LYPLAL1: variants seen among roughly 807,000 people sequenced by gnomAD.
LYPLAL1 encodes lysophospholipase like 1, also known as lysophospholipase-like protein 1.
LYPLAL1 carries 23 observed loss-of-function variants against 19.7 expected under a neutral mutation model. The observed-to-expected ratio is 1.17, with a 90% CI of 0.84 to 1.65. LYPLAL1 has a LOEUF of 1.65. Among genes scored for constraint, LYPLAL1 ranks in the 40% most tolerant of loss-of-function variants. The probability of loss-of-function intolerance (pLI) is 0.00; values close to 1 mark genes in which losing one functional copy is unlikely to be tolerated. For synonymous variants in LYPLAL1, 119 were observed against 96.3 expected (o/e 1.24, Z -1.38); for missense variants, 355 against 279.4 (o/e 1.27, Z -1.93).
At chr1:219,212,950 C>G (rs1659152547), downstream of LYPLAL1, 1 of 151,956 alleles carries the variant, frequency 6.6e-6, no homozygotes, top group African/African-American at 2.4e-5. Context: ...TACTTATAAC[C>G]TTCCAAGAAA....
chr1:219,206,979 T>G (rs942635924), intron 3 of LYPLAL1, among the ~76,000 whole-genome samples: 2 of 152,054 alleles, frequency 1.3e-5, no homozygotes, highest in African/African-American at 4.8e-5. Context: ...TTTATAAATT[T>G]TGAAGCTTTT....
At chr1:219,235,528 A>C in the LYPLAL1 span, among the ~76,000 whole-genome samples, 1 of 152,216 alleles carries the variant, frequency 6.6e-6, no homozygotes, top group South Asian at 2.1e-4. Flanking sequence ...TTTTACATTC[A>C]GTTTTGGAAT....
the LYPLAL1 span, among the ~76,000 whole-genome samples, chr1:219,361,115 G>C: frequency 1.3e-5 from 2 of 152,184 alleles, no homozygotes; most frequent in Non-Finnish European, 2.9e-5. Context: ...GTGCACACAG[G>C]AGTGTATTAT....
the LYPLAL1 span, among the ~76,000 whole-genome samples, chr1:219,321,751 T>G: frequency 6.6e-6 from 1 of 152,138 alleles, no homozygotes; most frequent in African/African-American, 2.4e-5. Context: ...TCTTGGGCTA[T>G]TCCTTGGAAT....
At chr1:219,335,380 G>A in the LYPLAL1 span, among the ~76,000 whole-genome samples, 4 of 151,744 alleles carry the variant, frequency 2.6e-5, no homozygotes, top group Admixed American at 2.6e-4. Flanking sequence ...TCATATTCCA[G>A]ATTTTAGAAC....
At chr1:219,366,536 A>G in the LYPLAL1 span, among the ~76,000 whole-genome samples, 1 of 152,226 alleles carries the variant, frequency 6.6e-6, no homozygotes, top group Non-Finnish European at 1.5e-5. Context: ...GATCCAGGCT[A>G]AAGAGATGAC....
At chr1:219,422,753 G>T in the LYPLAL1 span, among the ~76,000 whole-genome samples, 2 of 152,120 alleles carry the variant, frequency 1.3e-5, no homozygotes, top group Admixed American at 1.3e-4. Context: ...TGGGGAGCAG[G>T]CTTTTAACTA....
At chr1:219,352,380 C>T in the LYPLAL1 span, among the ~76,000 whole-genome samples, 3 of 152,170 alleles carry the variant, frequency 2.0e-5, no homozygotes, top group Admixed American at 1.3e-4. Flanking sequence ...TAGCCGGGCG[C>T]GGTGGCGGGC....
At chr1:219,385,798 C>T in the LYPLAL1 span, among the ~76,000 whole-genome samples, 1 of 152,074 alleles carries the variant, frequency 6.6e-6, no homozygotes, top group Non-Finnish European at 1.5e-5. Context: ...TGTAGGTTGC[C>T]AACCTGTATA....
downstream of LYPLAL1, among the ~76,000 whole-genome samples, chr1:219,216,849 C>G (rs1659308318): frequency 1.3e-5 from 2 of 151,238 alleles, no homozygotes; most frequent in African/African-American, 2.4e-5. Context: ...CGGGGCAGTC[C>G]TTAGAGCTTA....
At chr1:219,437,458 C>A in the LYPLAL1 span, among the ~76,000 whole-genome samples, 1 of 152,090 alleles carries the variant, frequency 6.6e-6, no homozygotes, top group African/African-American at 2.4e-5. Context: ...CTGTCTCTTA[C>A]CCGAACTCTT....
At chr1:219,180,618 T>C (rs1417035597) in intron 2 of LYPLAL1, among the ~76,000 whole-genome samples, 1 of 152,202 alleles carries the variant, frequency 6.6e-6, no homozygotes, top group Non-Finnish European at 1.5e-5. Context: ...TTACTGATTT[T>C]TAGGATAGTT....
the LYPLAL1 span, among the ~76,000 whole-genome samples, chr1:219,397,077 A>G: frequency 1.3e-5 from 2 of 152,036 alleles, no homozygotes; most frequent in Non-Finnish European, 2.9e-5. Flanking sequence ...TATTATTTTG[A>G]GGTGTGTTTC....
the LYPLAL1 span, among the ~76,000 whole-genome samples, chr1:219,228,266 T>C: frequency 6.6e-6 from 1 of 152,188 alleles, no homozygotes; most frequent in South Asian, 2.1e-4. Flanking sequence ...ATTATCATGC[T>C]TTGCTTAGCC....
the LYPLAL1 span, among the ~76,000 whole-genome samples, chr1:219,359,025 C>G: frequency 1.3e-5 from 2 of 152,032 alleles, no homozygotes; most frequent in Admixed American, 6.6e-5. Context: ...AAAACAAAAT[C>G]CAAAGCCCAG....
the LYPLAL1 span, among the ~76,000 whole-genome samples, chr1:219,386,859 AT>A: frequency 6.6e-6 from 1 of 152,098 alleles, no homozygotes; most frequent in Non-Finnish European, 1.5e-5. Flanking sequence ...CACCTCTGAT[AT>A]TGCTTTCAAA....
At chr1:219,288,834 CAT>C in the LYPLAL1 span, among the ~76,000 whole-genome samples, 1 of 151,734 alleles carries the variant, frequency 6.6e-6, no homozygotes, top group Non-Finnish European at 1.5e-5. Flanking sequence ...ACTTGTCTTA[CAT>C]GTTTTAAAAT....
chr1:219,186,866 A>C (rs146540443), intron 2 of LYPLAL1, among the ~76,000 whole-genome samples: 2 of 151,758 alleles, frequency 1.3e-5, no homozygotes, highest in African/African-American at 4.8e-5. Flanking sequence ...TGTAACAATT[A>C]ATATGCTTGA....
chr1:219,183,915 A>G (rs1438805332), intron 2 of LYPLAL1, among the ~76,000 whole-genome samples: 1 of 151,932 alleles, frequency 6.6e-6, no homozygotes, highest in African/African-American at 2.4e-5. Flanking sequence ...TTTTGTGAGC[A>G]TAATTTGAAT....
Sources: allele counts gnomAD v4.1 joint callset (sites outside exome capture counted in the v4.1 genomes callset), GRCh38; gene constraint gnomAD v4.1.1; transcripts MANE v1.5; gene names NCBI Gene and HGNC (gene_info 2026-07-23, HGNC 2026-07-21).